The following MOSMO variants were observed in gnomAD, a reference collection of about 807,000 sequenced individuals.
MOSMO encodes modulator of smoothened protein.
Under a neutral mutation model 18.4 loss-of-function variants are expected in MOSMO, and 5 were observed. The ratio of observed to expected loss-of-function variants is 0.27; its 90% CI spans 0.14 to 0.57. The LOEUF (loss-of-function observed/expected upper bound fraction) is 0.57, where lower values mean the gene tolerates loss of function less well. MOSMO is among the 20% of genes least tolerant of loss of function. The pLI is 0.92. For synonymous variants in MOSMO, 82 were observed against 82.3 expected, an observed-to-expected ratio of 1.00 and a Z score of 0.02; for missense variants, 138 against 211.8, an observed-to-expected ratio of 0.65 and a Z score of 2.16.
intron 1 of MOSMO, among the ~76,000 whole-genome samples, chr16:22,016,641 A>G (rs1899643033): frequency 6.6e-6 from 1 of 152,208 alleles, no homozygotes; most frequent in Admixed American, 6.5e-5. Context: ...AAGACAGCCT[A>G]GCATAGTGGA....
chr16:22,025,002 T>C (rs1396407029), intron 1 of MOSMO, among the ~76,000 whole-genome samples: 1 of 151,738 alleles, frequency 6.6e-6, no homozygotes, highest in Admixed American at 6.6e-5. Context: ...TTTTTTTTTT[T>C]AATTGCTAGT....
rs546030714 is a variant in MOSMO, at chr16:22,013,289, T to C, written c.106+4882T>C. ...GATTTGAGTTTCAGTGCTGCAAAGA[T>C]TCCATTGAAGAAAATTCTTCACTGA... On this transcript the variant is annotated intron_variant, in intron 1 of 2. Coordinates refer to ENST00000542527, the MANE Select transcript of MOSMO (RefSeq NM_001164579.2). Among the ~76,000 whole-genome samples, 4 of 152,344 alleles carry C rather than the reference T, an allele frequency of 2.6e-5. No homozygotes were observed. In the East Asian group the frequency reaches 7.7e-4, roughly 29 times the overall value.
In MOSMO at chr16:22,075,624, A is replaced by G. The variant is rs1471374168; in HGVS notation, c.244A>G (p.Thr82Ala). ...CATGGGAATCATTTCATTGACTGTC[A>G]CATGTGGTTTGCTGGTGGCTTCCCA... Reference protein sequence around the residue: ...IIMGIISLTVTCGLLVASHWR... With the variant: ...IIMGIISLTVACGLLVASHWR... The change falls in exon 2 of 3, where the codon ACA (threonine) becomes GCA (alanine). Residue 82 changes from threonine (T) to alanine (A), a missense_variant. By Grantham distance (58) the Thr-to-Ala change is moderately conservative. Transcript: ENST00000542527. 22 of 1,537,280 alleles carry G rather than the reference A, an allele frequency of 1.4e-5. No homozygotes were observed. The highest frequency in any genetic ancestry group is 1.9e-5 in the Non-Finnish European group (22 of 1,146,948).
chr16:22,022,634 A>C (rs1179029326), intron 1 of MOSMO, among the ~76,000 whole-genome samples: 2 of 152,054 alleles, frequency 1.3e-5, no homozygotes, highest in Non-Finnish European at 2.9e-5. Flanking sequence ...CCCTAACCTC[A>C]TTAGTTGAGG....
chr16:22,040,404 C>T (rs541526208), intron 1 of MOSMO, among the ~76,000 whole-genome samples: 2 of 152,242 alleles, frequency 1.3e-5, no homozygotes, highest in African/African-American at 4.8e-5. Flanking sequence ...TACCCCTGAA[C>T]TTAAAAGTAT....
Position 22,084,621 on chromosome 16 carries a change from A to G in MOSMO, c.*3741A>G, listed in dbSNP as rs937711459. On this transcript the variant is annotated 3_prime_UTR_variant, in exon 3 of 3. Coordinates refer to ENST00000542527, the MANE Select transcript of MOSMO (RefSeq NM_001164579.2). The stretch of plus-strand genomic sequence containing the variant: ...TGTATTTTTGTTATTGAGCAAGTTT[A>G]TCAAAATAAATTGTCTACTAAAGAA... 3.3e-5 allele frequency: 5 copies of G among 152,234 alleles called. No homozygotes were observed. The highest frequency in any genetic ancestry group is 7.3e-5 in the Non-Finnish European group (5 of 68,038). The allele number at this position is 152,234 out of a possible 1,614,324, so 9.4% of individuals were successfully genotyped here.
intron 1 of MOSMO, among the ~76,000 whole-genome samples, chr16:22,047,906 T>C (rs1900346611): frequency 6.6e-6 from 1 of 152,204 alleles, no homozygotes; most frequent in South Asian, 2.1e-4. Context: ...GAGTGAAGAT[T>C]GCCTATTAGA....
chr16:22,033,024 A>G (rs889193224), intron 1 of MOSMO, among the ~76,000 whole-genome samples: 6 of 152,140 alleles, frequency 3.9e-5, no homozygotes, highest in African/African-American at 1.4e-4. Context: ...TGGAATCTCA[A>G]GTTTTTTTCC....
chr16:22,064,208 C>T lies in MOSMO; in HGVS notation c.107-11279C>T, dbSNP rs569673302. 4.7e-4 allele frequency: 201 copies of T among 423,644 alleles called. 6 individuals are homozygous for T. Among genetic ancestry groups the T allele is most frequent in the South Asian group, 3.4e-3 (195 of 57,414 alleles). The allele number at this position is 423,644 out of a possible 1,614,324, so 26.2% of individuals were successfully genotyped here. A position where few individuals can be genotyped will look rare whatever the true frequency, so the allele number is the denominator to read the frequency against. ...TTCTTGATCATTGTCCACAGGCAGT[C>T]CTTTTCTGTGAGGCTATGGGGTCAT... On this transcript the variant is annotated intron_variant, in intron 1 of 2. Coordinates refer to ENST00000542527, the MANE Select transcript of MOSMO (RefSeq NM_001164579.2).
At chr16:22,073,858 ATGT>A (rs935397513) in intron 1 of MOSMO, among the ~76,000 whole-genome samples, 1 of 151,924 alleles carries the variant, frequency 6.6e-6, no homozygotes, top group Non-Finnish European at 1.5e-5. Context: ...CATAAGTATA[ATGT>A]TGCTTGCACC....
At chr16:22,011,958 A>G (rs1328828215) in intron 1 of MOSMO, among the ~76,000 whole-genome samples, 2 of 150,738 alleles carry the variant, frequency 1.3e-5, no homozygotes, top group Admixed American at 6.6e-5. Context: ...AAAAGTGCAG[A>G]GTTACACCTT....
chr16:22,090,436 A>G (rs963080307), downstream of MOSMO, among the ~76,000 whole-genome samples: 1 of 152,100 alleles, frequency 6.6e-6, no homozygotes, highest in Non-Finnish European at 1.5e-5. Context: ...TTTCCTCATG[A>G]CATTAAACAC....
At chr16:22,023,914 A>G (rs1236428579) in intron 1 of MOSMO, among the ~76,000 whole-genome samples, 1 of 151,100 alleles carries the variant, frequency 6.6e-6, no homozygotes, top group Non-Finnish European at 1.5e-5. Flanking sequence ...TCTCTTGTAT[A>G]GATTCAAGAA....
At chr16:22,066,267 T>C (rs1900745363) in intron 1 of MOSMO, among the ~76,000 whole-genome samples, 1 of 4,532 alleles carries the variant, frequency 2.2e-4, no homozygotes, top group Non-Finnish European at 2.8e-3. Flanking sequence ...GTTCTATTCC[T>C]AGGCATTTGT....
chr16:22,017,647 A>G (rs1899667751), intron 1 of MOSMO, among the ~76,000 whole-genome samples: 2 of 152,210 alleles, frequency 1.3e-5, no homozygotes, highest in Non-Finnish European at 2.9e-5. Context: ...GATAAGAGCC[A>G]TGAGGAAACC....
chr16:22,019,631 A>G (rs1899712356), intron 1 of MOSMO, among the ~76,000 whole-genome samples: 2 of 152,184 alleles, frequency 1.3e-5, no homozygotes, highest in South Asian at 4.1e-4. Context: ...AAGCTTGCAC[A>G]GGGCAGGAAA....
intron 1 of MOSMO, among the ~76,000 whole-genome samples, chr16:22,008,773 G>A (rs1899451002): frequency 6.6e-6 from 1 of 151,862 alleles, no homozygotes; most frequent in Admixed American, 6.6e-5. Context: ...AGTCAAGGTG[G>A]GAGACGGGAG....
chr16:22,041,600 A>T (rs945167947), intron 1 of MOSMO, among the ~76,000 whole-genome samples: 1 of 152,152 alleles, frequency 6.6e-6, no homozygotes. Flanking sequence ...AGGGAATTTG[A>T]TTTTTAAAAA....
intron 1 of MOSMO, among the ~76,000 whole-genome samples, chr16:22,023,369 C>T (rs1899803627): frequency 6.6e-6 from 1 of 152,156 alleles, no homozygotes; most frequent in Admixed American, 6.5e-5. Flanking sequence ...TTTAGAATTG[C>T]ACCATTAGTT....
Sources: gnomAD v4.1 joint callset for allele counts (sites outside exome capture counted in the v4.1 genomes callset) on GRCh38, gnomAD v4.1.1 for gene constraint, MANE v1.5 for transcripts, NCBI Gene and HGNC (gene_info 2026-07-23, HGNC 2026-07-21) for gene names.